SUFU: variants seen among roughly 807,000 people sequenced by gnomAD.
SUFU encodes suppressor of fused homolog.
SUFU carries 7 observed loss-of-function variants against 58.9 expected under a neutral mutation model. The ratio of observed to expected loss-of-function variants is 0.12; its 90% confidence interval spans 0.07 to 0.22. The LOEUF is 0.22. SUFU is among the 10% of genes least tolerant of loss of function. SUFU has a pLI of 1.00. For synonymous variants in SUFU, 232 were observed against 254.8 expected, an observed-to-expected ratio of 0.91 and a Z score of 0.85; for missense variants, 451 against 641.3, an observed-to-expected ratio of 0.70 and a Z score of 3.20.
At chr10:102,530,253 C>G (rs540278491) in intron 2 of SUFU, among the ~76,000 whole-genome samples, 1 of 152,150 alleles carries the variant, frequency 6.6e-6, no homozygotes, top group African/African-American at 2.4e-5. Context: ...TAATTTCATG[C>G]AGTTTCCACC....
chr10:102,581,073 G>A (rs1459759044), intron 3 of SUFU, among the ~76,000 whole-genome samples: 2 of 150,076 alleles, frequency 1.3e-5, no homozygotes, highest in Non-Finnish European at 3.0e-5. Flanking sequence ...CCAGCTACTT[G>A]AGAGGCTGAG....
At chr10:102,565,519 A>C (rs542436404) in intron 3 of SUFU, among the ~76,000 whole-genome samples, 1 of 152,136 alleles carries the variant, frequency 6.6e-6, no homozygotes, top group Non-Finnish European at 1.5e-5. Flanking sequence ...AACTACATTA[A>C]ATGACTTGAA....
chr10:102,547,843 GAGAA>G (rs1026756799), intron 2 of SUFU, among the ~76,000 whole-genome samples: 46 of 151,574 alleles, frequency 3.0e-4, no homozygotes, highest in East Asian at 1.6e-3. Context: ...GAGAGAGAGA[GAGAA>G]AGAAAGAGAG....
In SUFU at chr10:102,633,028, C is replaced by T. The variant is rs2063850802; in HGVS notation, c.*2873C>T. ...AGGGGAGAGTCTAAAAGGGCTAGAG[C>T]ATTTTTAAAAATAGACACAGGGTCT... On this transcript the variant is annotated 3_prime_UTR_variant, in exon 12 of 12. Coordinates refer to ENST00000369902, the MANE Select transcript of SUFU (RefSeq NM_016169.4). 1 of 233,216 alleles carries T rather than the reference C, an allele frequency of 4.3e-6. No homozygotes were observed. Among genetic ancestry groups the T allele is most frequent in the Admixed American group, 5.6e-5 (1 of 17,778 alleles). The allele number at this position is 233,216 out of a possible 1,614,324, so 14.4% of individuals were successfully genotyped here. A position where few individuals can be genotyped will look rare whatever the true frequency, so the allele number is the denominator to read the frequency against.
intron 2 of SUFU, among the ~76,000 whole-genome samples, chr10:102,543,582 C>T (rs1036260102): frequency 6.6e-5 from 10 of 152,114 alleles, no homozygotes; most frequent in Non-Finnish European, 1.5e-4. Context: ...GCAGTTACTC[C>T]CAATTCATCC....
chr10:102,524,687 A>G (rs751531027), intron 2 of SUFU, among the ~76,000 whole-genome samples: 18 of 152,028 alleles, frequency 1.2e-4, no homozygotes, highest in Non-Finnish European at 1.0e-4. Flanking sequence ...TTTTTTTTAA[A>G]TTACCATCTA....
chr10:102,541,745 G>T, intron 2 of SUFU, among the ~76,000 whole-genome samples: 1 of 111,390 alleles, frequency 9.0e-6, no homozygotes, highest in South Asian at 3.0e-4. Flanking sequence ...TTTTGCTCTT[G>T]GTGCCCAAGC....
chr10:102,542,141 T>TG (rs2062809115), intron 2 of SUFU, among the ~76,000 whole-genome samples: 1 of 140,722 alleles, frequency 7.1e-6, no homozygotes, highest in Non-Finnish European at 1.5e-5. Flanking sequence ...ACCTTGGCGT[T>TG]TTTTTTTTTG....
chr10:102,623,974 C>T (rs1291586044), intron 10 of SUFU, among the ~76,000 whole-genome samples: 1 of 152,110 alleles, frequency 6.6e-6, no homozygotes, highest in Non-Finnish European at 1.5e-5. Flanking sequence ...AGCCTTGTCT[C>T]CTCTGGGTAC....
rs536915386 is a variant in SUFU, at chr10:102,625,986, C to T, written c.1297-1189C>T. 2.6e-5 allele frequency among the ~76,000 whole-genome samples: 4 copies of T among 152,150 alleles called. No homozygotes were observed. Among genetic ancestry groups the T allele is most frequent in the Admixed American group, 6.5e-5 (1 of 15,280 alleles). On this transcript the variant is annotated intron_variant, in intron 10 of 11. Transcript: ENST00000369902. This position sits in a 1 kb window ranked among gnomAD's most constrained non-coding sequence, Gnocchi z 4.7. ...TTCTCCTCCTCACAGGGAGGGTTTC[C>T]CCTCAGAGGAGCCCCTCACCTGGAT... is the stretch of plus-strand genomic sequence containing the variant.
At position 102,632,053 on chromosome 10, in the gene SUFU, G is replaced by A; in HGVS notation, c.*1898G>A. 1 of 233,304 alleles carries A rather than the reference G, an allele frequency of 4.3e-6. No homozygotes were observed. Among genetic ancestry groups the A allele is most frequent in the Non-Finnish European group, 8.5e-6 (1 of 118,120 alleles). 14.5% of individuals were successfully genotyped at this position (233,304 alleles called of 1,614,324 possible). A position where few individuals can be genotyped will look rare whatever the true frequency, so the allele number is the denominator to read the frequency against. On this transcript the variant is annotated 3_prime_UTR_variant, in exon 12 of 12. Coordinates refer to ENST00000369902, the MANE Select transcript of SUFU (RefSeq NM_016169.4). ...TGCCATCAGTTCGCCTCCATTCCTTGCCACCATGACCAGCCTCTCCCTGAA... is the reference window on the plus strand; with the variant it reads ...TGCCATCAGTTCGCCTCCATTCCTTACCACCATGACCAGCCTCTCCCTGAA...
At chr10:102,527,317 A>G (rs958706453) in intron 2 of SUFU, among the ~76,000 whole-genome samples, 1 of 151,976 alleles carries the variant, frequency 6.6e-6, no homozygotes. Flanking sequence ...TCAATAAATT[A>G]TTTGTTGACT....
At chr10:102,532,022 G>A (rs2062682993) in intron 2 of SUFU, among the ~76,000 whole-genome samples, 1 of 151,928 alleles carries the variant, frequency 6.6e-6, no homozygotes, top group South Asian at 2.1e-4. Context: ...TGGCATAGTG[G>A]CATGATCTTG....
rs542974190 is a variant in SUFU at position 102,576,517 on chromosome 10, C to T, written c.455-16065C>T. On this transcript the variant is annotated intron_variant, in intron 3 of 11. Coordinates refer to ENST00000369902, the MANE Select transcript of SUFU (RefSeq NM_016169.4). Reference sequence around the variant, plus strand: ...CACCTTTAGGTTGTTGCCATTTTTGCAGTATTACAAACAGTACAAAGATGC... The same window carrying T: ...CACCTTTAGGTTGTTGCCATTTTTGTAGTATTACAAACAGTACAAAGATGC... Among the ~76,000 whole-genome samples the T allele has an allele frequency of 2.3e-4, 35 of 152,214 alleles. No individual in the cohort carries two copies. In the East Asian group the frequency reaches 6.2e-3, roughly 27 times the overall value.
At chr10:102,560,042 C>A (rs1272703919) in intron 3 of SUFU, among the ~76,000 whole-genome samples, 1 of 152,142 alleles carries the variant, frequency 6.6e-6, no homozygotes, top group African/African-American at 2.4e-5. Context: ...CATGGCTGAT[C>A]CAACCCTGTG....
chr10:102,563,594 T>C (rs2063060222), intron 3 of SUFU, among the ~76,000 whole-genome samples: 1 of 151,416 alleles, frequency 6.6e-6, no homozygotes, highest in Non-Finnish European at 1.5e-5. Context: ...ATAGATTGAG[T>C]CCGGGAGGTT....
Position 102,504,245 on chromosome 10 carries a change from C to G in SUFU, c.93C>G (p.Pro31=). The G allele has an allele frequency of 6.2e-7, 1 of 1,613,882 alleles. No homozygotes were observed. Among genetic ancestry groups the G allele is most frequent in the Non-Finnish European group, 8.5e-7 (1 of 1,179,974 alleles). The change falls in exon 1 of 12, where the codon CCC becomes CCG. Residue 31 remains proline, a synonymous_variant. Transcript: ENST00000369902. Reference sequence around the variant, plus strand: ...CCCCGGCCTTCGCTTCGCTCTTTCCCCCGGGACTGCACGCCATCTACGGAG... The same window carrying G: ...CCCCGGCCTTCGCTTCGCTCTTTCCGCCGGGACTGCACGCCATCTACGGAG... ...TAPPAFASLF[P]PGLHAIYGEC...
chr10:102,623,986 T>G (rs1326471396), intron 10 of SUFU, among the ~76,000 whole-genome samples: 1 of 152,148 alleles, frequency 6.6e-6, no homozygotes, highest in Non-Finnish European at 1.5e-5. Flanking sequence ...TCTGGGTACC[T>G]ACCCTTGGGC....
chr10:102,603,033 A>G (rs1448946719), intron 8 of SUFU, among the ~76,000 whole-genome samples: 1 of 152,190 alleles, frequency 6.6e-6, no homozygotes, highest in Non-Finnish European at 1.5e-5. Context: ...AGATTTGAGG[A>G]GGGAAAAGTT....
Sources: gnomAD v4.1 joint callset for allele counts (sites outside exome capture counted in the v4.1 genomes callset) on GRCh38, gnomAD v4.1.1 for gene constraint, Gnocchi (gnomAD v3.1) non-coding constraint, MANE v1.5 for transcripts, NCBI Gene and HGNC (gene_info 2026-07-23, HGNC 2026-07-21) for gene names.